The following SPATA24 variants were observed in gnomAD, a reference collection of about 807,000 sequenced individuals.
The protein encoded by SPATA24 is spermatogenesis associated 24.
Under a neutral mutation model 28.9 loss-of-function variants are expected in SPATA24, and 21 were observed. The ratio of observed to expected loss-of-function variants is 0.73; its 90% CI spans 0.52 to 1.05. The LOEUF is 1.05. Ranked by LOEUF, SPATA24 falls within the 50% of genes least tolerant of loss-of-function variation. SPATA24 has a pLI of 0.00. For missense variants in SPATA24, 215 were observed against 242.9 expected, an observed-to-expected ratio of 0.88 and a Z score of 0.76; for synonymous variants, 76 against 89.9, an observed-to-expected ratio of 0.85 and a Z score of 0.88.
Position 139,397,163 on chromosome 5 carries a change from G to C in SPATA24, c.386-20C>G. ...CAATCTCTGTGGGGGAGAGAGGCAG[G>C]GAGGAGGGGTGGTTCCCATCCCAGG... On this transcript the variant is annotated intron_variant, in intron 4 of 5. Coordinates refer to ENST00000450845, the MANE Select transcript of SPATA24 (RefSeq NM_194296.2). The C allele has an allele frequency of 6.5e-7, 1 of 1,541,398 alleles. No individual in the cohort carries two copies. The highest frequency in any genetic ancestry group is 8.8e-7 in the Non-Finnish European group (1 of 1,137,606).
chr5:139,394,407 C>A (rs1758658203), downstream of SPATA24: 1 of 1,388,700 alleles, frequency 7.2e-7, no homozygotes, highest in Non-Finnish European at 9.3e-7. Flanking sequence ...GGGGGCGCGG[C>A]GCGCCGGCCG....
At chr5:139,403,485 G>T (rs1364998001) in intron 1 of SPATA24, among the ~76,000 whole-genome samples, 1 of 152,234 alleles carries the variant, frequency 6.6e-6, no homozygotes, top group Non-Finnish European at 1.5e-5. Context: ...GAAGGCAAAA[G>T]CTAAGGCATG....
At chr5:139,401,346 C>T in intron 4 of SPATA24, 1 of 528,312 alleles carries the variant, frequency 1.9e-6, no homozygotes. Context: ...CAATCCTAGC[C>T]CCCTGTCACC....
At chr5:139,393,605 G>A, downstream of SPATA24, 2 of 1,550,794 alleles carry the variant, frequency 1.3e-6, no homozygotes, top group Non-Finnish European at 1.7e-6. Context: ...GGGCTGCTAC[G>A]TGGCTCCACC....
intron 4 of SPATA24, 123 bp from the exon 5 acceptor site, chr5:139,397,266 ACTG>A (rs1236000079): frequency 3.0e-6 from 2 of 673,332 alleles, no homozygotes; most frequent in Non-Finnish European, 5.2e-6. Context: ...TCCATGAAGA[ACTG>A]CTAATACCTT....
chr5:139,392,888 C>G (rs1245621944), downstream of SPATA24: 1 of 1,544,536 alleles, frequency 6.5e-7, no homozygotes, highest in African/African-American at 1.4e-5. The surrounding 1 kb of genome is among the most constrained non-coding windows in gnomAD (Gnocchi z 5.8). Context: ...AGGCGGATCT[C>G]TGTGCGCTTG....
downstream of SPATA24, chr5:139,392,652 C>T: frequency 7.2e-7 from 1 of 1,389,572 alleles, no homozygotes; most frequent in Non-Finnish European, 9.3e-7. This position sits in a 1 kb window ranked among gnomAD's most constrained non-coding sequence, Gnocchi z 5.8. Context: ...TCCCAGGGCT[C>T]GGGCTGGCTT....
chr5:139,402,558 T>G, intron 2 of SPATA24, 70 bp downstream of exon 2: 69 of 1,401,978 alleles, frequency 4.9e-5, no homozygotes, highest in Non-Finnish European at 6.3e-5. Flanking sequence ...TAATACTTAA[T>G]GAGCCTGCCT....
chr5:139,402,578 G>C (rs1447003935), intron 2 of SPATA24, 50 bp downstream of exon 2: 5 of 1,499,154 alleles, frequency 3.3e-6, no homozygotes, highest in Middle Eastern at 1.7e-4. Flanking sequence ...TAACCACAGG[G>C]ATCCTGGGAA....
Position 139,397,023 on chromosome 5 carries a change from C to G in SPATA24, c.488+18G>C. ...CCCAGTGTCATCAACAACCCCCAGC[C>G]GGGCCCAGACCCCTCACCTGAAGAT... On this transcript the variant is annotated intron_variant, in intron 5 of 5. Transcript: ENST00000450845. 6.4e-7 allele frequency: 1 copy of G among 1,551,606 alleles called. No homozygotes were observed. Among genetic ancestry groups the G allele is most frequent in the African/African-American group, 1.4e-5 (1 of 73,154 alleles).
rs754881208 is a variant in SPATA24, at chr5:139,402,609, C to G, written c.183+19G>C. 29 of 1,549,688 alleles carry G rather than the reference C, an allele frequency of 1.9e-5. No homozygotes were observed. Among genetic ancestry groups the G allele is most frequent in the Admixed American group, 3.9e-5 (2 of 50,940 alleles). Reference sequence around the variant, plus strand: ...GGGAAACGGGGGAAGATTAGGAGACCGCAGAGGCCATTACTTACCACCAGC... The same window carrying G: ...GGGAAACGGGGGAAGATTAGGAGACGGCAGAGGCCATTACTTACCACCAGC... On this transcript the variant is annotated intron_variant, in intron 2 of 5. Coordinates refer to ENST00000450845, the MANE Select transcript of SPATA24 (RefSeq NM_194296.2).
At chr5:139,393,038 C>A, downstream of SPATA24, 1 of 1,526,986 alleles carries the variant, frequency 6.5e-7, no homozygotes, top group Non-Finnish European at 8.8e-7. Context: ...TTGATGAAAA[C>A]GGAAGTGTAG....
chr5:139,394,954 G>T (rs1178118134), downstream of SPATA24: 2 of 1,521,798 alleles, frequency 1.3e-6, no homozygotes, highest in Admixed American at 2.1e-5. Context: ...AACGTCCGGG[G>T]GCTCCGGAGA....
chr5:139,394,604 C>T (rs1001682220), downstream of SPATA24: 3 of 1,532,472 alleles, frequency 2.0e-6, no homozygotes, highest in African/African-American at 4.2e-5. Context: ...CCATCGGGGA[C>T]CTGGGACTGG....
chr5:139,393,144 A>G (rs548485841), downstream of SPATA24: 72 of 1,543,554 alleles, frequency 4.7e-5, no homozygotes, highest in African/African-American at 7.9e-4. Flanking sequence ...CAGGCAGCCC[A>G]GAGCCTTGTG....
At chr5:139,395,162 G>A, downstream of SPATA24, 1 of 1,317,666 alleles carries the variant, frequency 7.6e-7, no homozygotes, top group East Asian at 3.1e-5. Flanking sequence ...CCCGCCCGAG[G>A]ATGCCGTGGG....
At chr5:139,393,957 A>G (rs898099671), downstream of SPATA24, 74 of 1,550,554 alleles carry the variant, frequency 4.8e-5, no homozygotes, top group Admixed American at 1.4e-3. Context: ...TCCTACACTC[A>G]AAAGGCGGAC....
At chr5:139,403,797 C>T in intron 1 of SPATA24, 147 bp downstream of exon 1, 2 of 660,730 alleles carry the variant, frequency 3.0e-6, no homozygotes, top group Non-Finnish European at 5.2e-6. Flanking sequence ...TTTGGCTCCA[C>T]CCCTACCGAC....
downstream of SPATA24, chr5:139,393,117 G>C (rs1028168592): frequency 2.0e-6 from 3 of 1,528,384 alleles, no homozygotes; most frequent in Admixed American, 2.1e-5. Context: ...CCTCCCCGCA[G>C]GGGTCGGCAG....
Sources: allele counts gnomAD v4.1 joint callset (sites outside exome capture counted in the v4.1 genomes callset), GRCh38; gene constraint gnomAD v4.1.1; non-coding constraint Gnocchi (gnomAD v3.1); transcripts MANE v1.5; gene names NCBI Gene and HGNC (gene_info 2026-07-23, HGNC 2026-07-21).